Variants in SEMA5A observed in about 807,000 individuals in gnomAD.
SEMA5A encodes semaphorin-5A.
In SEMA5A, 55 loss-of-function variants were observed where a neutral mutation model predicts 135.5. The ratio of observed to expected loss-of-function variants is 0.41; its 90% CI spans 0.33 to 0.51. The LOEUF is 0.51. Among genes scored for constraint, SEMA5A ranks in the 20% least tolerant of loss-of-function variants. The pLI is 0.37. For synonymous variants in SEMA5A, 580 were observed against 546.5 expected (o/e 1.06, Z -0.85); for missense variants, 1,290 against 1,419.9 (o/e 0.91, Z 1.47).
intron 3 of SEMA5A, among the ~76,000 whole-genome samples, chr5:9,378,023 A>G (rs1400068673): frequency 6.6e-6 from 1 of 152,206 alleles, no homozygotes; most frequent in Non-Finnish European, 1.5e-5. Context: ...CTATAATTTC[A>G]CCATGTACAA....
chr5:9,456,149 T>C (rs1187059221), intron 1 of SEMA5A, among the ~76,000 whole-genome samples: 3 of 152,214 alleles, frequency 2.0e-5, no homozygotes, highest in African/African-American at 7.2e-5. Context: ...TCTTTCTAGA[T>C]TCCCTGAAGA....
intron 1 of SEMA5A, among the ~76,000 whole-genome samples, chr5:9,536,314 T>C (rs1056376341): frequency 6.6e-6 from 1 of 152,066 alleles, no homozygotes; most frequent in Non-Finnish European, 1.5e-5. Context: ...AGAGCAGCCC[T>C]ATGCAAAAAG....
Position 9,538,142 on chromosome 5 carries a change from G to C in SEMA5A, c.-175+7442C>G, listed in dbSNP as rs1421863810. On this transcript the variant is annotated intron_variant, in intron 1 of 22. Transcript: ENST00000382496. ...CCCAGAGAAAACAGTGGAAGAGCAAGGAAATGAGAGGCAATTCGTATGTAT... is the reference window on the plus strand; with the variant it reads ...CCCAGAGAAAACAGTGGAAGAGCAACGAAATGAGAGGCAATTCGTATGTAT... 3.9e-5 allele frequency among the ~76,000 whole-genome samples: 6 copies of C among 152,320 alleles called. No individual in the cohort carries two copies. In the East Asian group the frequency reaches 9.6e-4, roughly 24 times the overall value.
At chr5:9,491,320 C>A (rs1001745150) in intron 1 of SEMA5A, among the ~76,000 whole-genome samples, 5 of 152,066 alleles carry the variant, frequency 3.3e-5, no homozygotes, top group African/African-American at 1.2e-4. Context: ...TTGGTGGATG[C>A]ATGTCATTAC....
intron 5 of SEMA5A, among the ~76,000 whole-genome samples, chr5:9,279,947 T>C (rs1279964843): frequency 6.6e-6 from 1 of 152,228 alleles, no homozygotes; most frequent in Non-Finnish European, 1.5e-5. Context: ...AACTGACTAA[T>C]ATCAACTTGC....
chr5:9,119,361 T>C (rs949029278), intron 14 of SEMA5A, among the ~76,000 whole-genome samples: 1 of 152,140 alleles, frequency 6.6e-6, no homozygotes, highest in African/African-American at 2.4e-5. Context: ...AGATAGGAAA[T>C]TTGAGAATAA....
chr5:9,154,773 G>T lies in SEMA5A; in HGVS notation c.1274-78C>A, dbSNP rs918006560. On this transcript the variant is annotated intron_variant, in intron 11 of 22. Transcript: ENST00000382496. ...AATCCCTGGTTAAACAGAGTGTGCTGTGTATGCAGCCATGGATCTTCAGCC... is the reference window on the plus strand; with the variant it reads ...AATCCCTGGTTAAACAGAGTGTGCTTTGTATGCAGCCATGGATCTTCAGCC... 1.2e-5 allele frequency: 15 copies of T among 1,254,724 alleles called. No homozygotes were observed. The African/African-American group carries it at 2.1e-4, about 17-fold the overall frequency. The allele number at this position is 1,254,724 out of a possible 1,614,324, so 77.7% of individuals were successfully genotyped here. A position where few individuals can be genotyped will look rare whatever the true frequency, so the allele number is the denominator to read the frequency against.
chr5:9,414,279 G>A (rs1757208117), intron 2 of SEMA5A, among the ~76,000 whole-genome samples: 1 of 152,064 alleles, frequency 6.6e-6, no homozygotes, highest in African/African-American at 2.4e-5. Flanking sequence ...AAACTACTTG[G>A]CTGCATTTAA....
intron 1 of SEMA5A, among the ~76,000 whole-genome samples, chr5:9,534,972 A>C (rs939560226): frequency 6.6e-6 from 1 of 152,200 alleles, no homozygotes; most frequent in Non-Finnish European, 1.5e-5. Context: ...TTCAGGACCT[A>C]AAGTCCAAGC....
At chr5:9,438,294 A>G (rs268535) in intron 1 of SEMA5A, among the ~76,000 whole-genome samples, 51,654 of 152,046 alleles carry the variant, frequency 0.34, 9,923 homozygotes, top group East Asian at 0.53. Context: ...CAAAGGCAGT[A>G]GCACAAACTC....
At chr5:9,205,785 C>T (rs1047466276) in intron 8 of SEMA5A, among the ~76,000 whole-genome samples, 1 of 152,194 alleles carries the variant, frequency 6.6e-6, no homozygotes, top group Admixed American at 6.5e-5. Flanking sequence ...TTTGGAAACA[C>T]ATCATGCGGC....
chr5:9,064,538 C>T (rs1737356638), intron 17 of SEMA5A, among the ~76,000 whole-genome samples: 1 of 61,428 alleles, frequency 1.6e-5, no homozygotes, highest in Non-Finnish European at 3.5e-5. Context: ...CAAACTAACA[C>T]AAGAACAAAA....
rs767228245 is a variant in SEMA5A at position 9,204,832 on chromosome 5, T to G, written c.647-2592A>C. On this transcript the variant is annotated intron_variant, in intron 8 of 22. Transcript: ENST00000382496. The surrounding 1 kb of genome is among the most constrained non-coding windows in gnomAD (Gnocchi z 6.4). ...TGAATGTTACCTCCTGAGCTCCGCC[T>G]CCCGTCAGATCAGTGGCAGCATTAA... 2.0e-4 allele frequency among the ~76,000 whole-genome samples: 30 copies of G among 152,134 alleles called. No homozygotes were observed. The highest frequency in any genetic ancestry group is 3.5e-4 in the Non-Finnish European group (24 of 68,030).
intron 16 of SEMA5A, among the ~76,000 whole-genome samples, chr5:9,073,015 A>G (rs112552067): frequency 0.011 from 1,739 of 152,334 alleles, 40 homozygotes; most frequent in African/African-American, 0.04. Context: ...GGAAGAAACA[A>G]CTTGCAACAT....
chr5:9,282,752 T>C (rs1044687595), intron 5 of SEMA5A, among the ~76,000 whole-genome samples: 6 of 152,150 alleles, frequency 3.9e-5, no homozygotes, highest in Non-Finnish European at 8.8e-5. Flanking sequence ...TTCTCACATG[T>C]GCACCTCCCC....
intron 2 of SEMA5A, among the ~76,000 whole-genome samples, chr5:9,415,967 T>A (rs1221557327): frequency 6.6e-6 from 1 of 152,204 alleles, no homozygotes; most frequent in South Asian, 2.1e-4. Flanking sequence ...TAAATTGTCC[T>A]TTCAAAGGCA....
At chr5:9,351,577 C>T (rs1754118335) in intron 3 of SEMA5A, among the ~76,000 whole-genome samples, 1 of 151,838 alleles carries the variant, frequency 6.6e-6, no homozygotes, top group Admixed American at 6.6e-5. Context: ...AAATAATAGA[C>T]ATTCCATTCC....
At position 9,274,926 on chromosome 5, in the gene SEMA5A, A is replaced by G. The variant is rs1442804664; in HGVS notation, c.271-37036T>C. 2.0e-5 allele frequency among the ~76,000 whole-genome samples: 3 copies of G among 152,136 alleles called. No homozygotes were observed. In the East Asian group the frequency reaches 5.8e-4, roughly 29 times the overall value. ...CTTACATCAAAATTAATAGAACTAG[A>G]GAAGCAAGAGCAAACACATTCAAAA... On this transcript the variant is annotated intron_variant, in intron 5 of 22. Coordinates refer to ENST00000382496, the MANE Select transcript of SEMA5A (RefSeq NM_003966.3).
chr5:9,438,614 T>G (rs1212181682), intron 1 of SEMA5A, among the ~76,000 whole-genome samples: 1 of 152,226 alleles, frequency 6.6e-6, no homozygotes, highest in Non-Finnish European at 1.5e-5. Flanking sequence ...GAAGGATGCC[T>G]GTGACTTCAA....
Sources: allele counts gnomAD v4.1 joint callset (sites outside exome capture counted in the v4.1 genomes callset), GRCh38; gene constraint gnomAD v4.1.1; non-coding constraint Gnocchi (gnomAD v3.1); transcripts MANE v1.5; gene names NCBI Gene and HGNC (gene_info 2026-07-23, HGNC 2026-07-21).